The following ADI1 variants were observed in gnomAD, a reference collection of about 807,000 sequenced individuals.
ADI1 encodes acireductone dioxygenase 1.
Under a neutral mutation model 18.7 loss-of-function variants are expected in ADI1, and 21 were observed. The ratio of observed to expected loss-of-function variants is 1.13; its 90% CI spans 0.80 to 1.62. The LOEUF is 1.62. Ranked by LOEUF, ADI1 falls within the 40% of genes most tolerant of loss-of-function variation. The pLI is 0.00. For missense variants in ADI1, 245 were observed against 254.9 expected, an observed-to-expected ratio of 0.96 and a Z score of 0.26; for synonymous variants, 90 against 100.1, an observed-to-expected ratio of 0.90 and a Z score of 0.60.
chr2:3,506,801 T>C (rs985298380), intron 2 of ADI1, among the ~76,000 whole-genome samples: 2 of 152,228 alleles, frequency 1.3e-5, no homozygotes, highest in African/African-American at 4.8e-5. Context: ...CTTACTATCA[T>C]GCTATAGTAG....
intron 3 of ADI1, 122 bp downstream of exon 3, chr2:3,500,692 A>C (rs775391372): frequency 7.8e-7 from 1 of 1,277,940 alleles, no homozygotes; most frequent in Non-Finnish European, 1.1e-6. Flanking sequence ...GCACAGGTCG[A>C]GGAGTCCCGA....
intron 2 of ADI1, among the ~76,000 whole-genome samples, chr2:3,503,427 G>A (rs1476036813): frequency 6.8e-6 from 1 of 148,124 alleles, no homozygotes; most frequent in South Asian, 2.1e-4. Flanking sequence ...ACACACACGA[G>A]TGCATTCACA....
rs1667075393 is a variant in ADI1 at position 3,503,308 on chromosome 2, GAC to G, written c.241-2317_241-2316del. Among the ~76,000 whole-genome samples, 2 of 43,302 alleles carry G rather than the reference GAC, an allele frequency of 4.6e-5. 1 individual carries two copies. The highest frequency in any genetic ancestry group is 7.5e-5 in the Non-Finnish European group (2 of 26,546). The allele number at this position is 43,302 out of a possible 152,430, so 28.4% of individuals were successfully genotyped here. A position where few individuals can be genotyped will look rare whatever the true frequency, so the allele number is the denominator to read the frequency against. ...TCACACACATGCACACATACACACT[GAC>G]ACGCACATTCACACACATGCACACA... is the stretch of plus-strand genomic sequence containing the variant. On this transcript the variant is annotated intron_variant, in intron 2 of 3. Transcript: ENST00000327435.
chr2:3,502,823 G>C (rs573286493), intron 2 of ADI1, among the ~76,000 whole-genome samples: 1 of 152,140 alleles, frequency 6.6e-6, no homozygotes, highest in Admixed American at 6.6e-5. Context: ...CGCAACCCAA[G>C]CTTAGGTTGC....
chr2:3,519,099 T>C (rs1224166659), intron 1 of ADI1, among the ~76,000 whole-genome samples: 1 of 145,928 alleles, frequency 6.9e-6, no homozygotes, highest in East Asian at 2.0e-4. Context: ...CGCTGGGGGC[T>C]GACCGCCGAC....
intron 2 of ADI1, among the ~76,000 whole-genome samples, chr2:3,507,271 T>A (rs1045613384): frequency 6.6e-6 from 1 of 152,074 alleles, no homozygotes; most frequent in African/African-American, 2.4e-5. Flanking sequence ...ATATTTGAAA[T>A]ACTGTCCACA....
intron 1 of ADI1, among the ~76,000 whole-genome samples, chr2:3,518,978 C>A (rs1440092130): frequency 6.6e-6 from 1 of 151,718 alleles, no homozygotes; most frequent in Non-Finnish European, 1.5e-5. Flanking sequence ...AGAAACGGAC[C>A]GCCGACCCCC....
In ADI1 at chr2:3,504,323, A is replaced by G. The variant is rs566017468; in HGVS notation, c.241-3330T>C. Among the ~76,000 whole-genome samples, 3 of 152,374 alleles carry G rather than the reference A, an allele frequency of 2.0e-5. No individual in the cohort carries two copies. The South Asian group carries it at 6.2e-4, about 32-fold the overall frequency. ...AAACAAAGAATAAGCCGGTATCAGC[A>G]AGAGGGTTTTATACCAGGAGAGAAG... On this transcript the variant is annotated intron_variant, in intron 2 of 3. Coordinates refer to ENST00000327435, the MANE Select transcript of ADI1 (RefSeq NM_018269.4).
chr2:3,497,920 CAGT>C lies in ADI1; in HGVS notation c.*1040_*1042del, dbSNP rs1666902958. 1 of 152,058 alleles carries C rather than the reference CAGT, an allele frequency of 6.6e-6. No individual in the cohort carries two copies. Among genetic ancestry groups the C allele is most frequent in the Non-Finnish European group, 1.5e-5 (1 of 68,002 alleles). The allele number at this position is 152,058 out of a possible 1,614,324, so 9.4% of individuals were successfully genotyped here. A position where few individuals can be genotyped will look rare whatever the true frequency, so the allele number is the denominator to read the frequency against. ...TAGAAATGAATCCATTAAAAAAAATCAGTAGATCAGCACTTATTTTAATTACTG... is the reference window on the plus strand; with the variant it reads ...TAGAAATGAATCCATTAAAAAAAATCAGATCAGCACTTATTTTAATTACTG... On this transcript the variant is annotated 3_prime_UTR_variant, in exon 4 of 4. Coordinates refer to ENST00000327435, the MANE Select transcript of ADI1 (RefSeq NM_018269.4).
At chr2:3,501,036 T>A (rs1199109601) in intron 2 of ADI1, 43 bp from the exon 3 acceptor site, 1 of 1,512,460 alleles carries the variant, frequency 6.6e-7, no homozygotes, top group Non-Finnish European at 8.9e-7. Flanking sequence ...CAGAGACCTG[T>A]CACGCAAGCT....
At chr2:3,512,889 CCAT>C (rs1450155810) in intron 2 of ADI1, among the ~76,000 whole-genome samples, 1 of 152,218 alleles carries the variant, frequency 6.6e-6, no homozygotes, top group African/African-American at 2.4e-5. Flanking sequence ...GCACTCAAAG[CCAT>C]CCCATGAGAG....
At chr2:3,503,228 A>C (rs1667067843) in intron 2 of ADI1, among the ~76,000 whole-genome samples, 3 of 91,504 alleles carry the variant, frequency 3.3e-5, no homozygotes, top group Admixed American at 2.1e-4. Flanking sequence ...CACACGTAAC[A>C]CTCTCTCATG....
chr2:3,513,942 A>T lies in ADI1; in HGVS notation c.155T>A (p.Leu52Ter). 1 of 1,611,826 alleles carries T rather than the reference A, an allele frequency of 6.2e-7. No homozygotes were observed. Among genetic ancestry groups the T allele is most frequent in the Non-Finnish European group, 8.5e-7 (1 of 1,179,570 alleles). ...DADKYENDPE[L>*]EKIRRERNYS... ...GTTCCTCTCTCTTCGGATCTTTTCT[A>T]ATTCTGGATCATTCTCATATTTGTC... Residue 52 changes from leucine to a stop codon, truncating the protein, a stop_gained, in exon 2 of 4, where the codon TTA (leucine) becomes TAA (stop). Coordinates refer to ENST00000327435, the MANE Select transcript of ADI1 (RefSeq NM_018269.4). LOFTEE classifies it high-confidence loss of function.
chr2:3,502,001 C>A (rs937301848), intron 2 of ADI1, among the ~76,000 whole-genome samples: 15 of 105,044 alleles, frequency 1.4e-4, no homozygotes, highest in Middle Eastern at 4.6e-3. Flanking sequence ...ACCTCCCGCT[C>A]CACACACACA....
intron 2 of ADI1, among the ~76,000 whole-genome samples, chr2:3,509,233 G>C (rs1037816493): frequency 6.6e-6 from 1 of 152,222 alleles, no homozygotes; most frequent in African/African-American, 2.4e-5. Flanking sequence ...CACTATTACA[G>C]TTGGCAATTT....
rs1437400427 is a variant in ADI1 at position 3,498,419 on chromosome 2, T to C, written c.*544A>G. ...AACAAACCAGGCAAAATATCACATA[T>C]ACCTGAATATAAGGTAACTCCAAGC... On this transcript the variant is annotated 3_prime_UTR_variant, in exon 4 of 4. Coordinates refer to ENST00000327435, the MANE Select transcript of ADI1 (RefSeq NM_018269.4). The C allele has an allele frequency of 6.6e-6, 1 of 152,266 alleles. No homozygotes were observed. The highest frequency in any genetic ancestry group is 6.5e-5 in the Admixed American group (1 of 15,272). 9.4% of individuals were successfully genotyped at this position (152,266 alleles called of 1,614,324 possible).
chr2:3,518,743 GAA>G (rs1667463552), intron 1 of ADI1, among the ~76,000 whole-genome samples: 2 of 152,176 alleles, frequency 1.3e-5, no homozygotes, highest in African/African-American at 4.8e-5. Flanking sequence ...TCCGATAGAA[GAA>G]ACCCCTGGGC....
chr2:3,500,562 C>T lies in ADI1; in HGVS notation c.420+252G>A, dbSNP rs899446078. ...GTACCTGCCGCCGCCTGTACCTGCC[C>T]CGCCTGGGTATGAAATGCACACCTG... On this transcript the variant is annotated intron_variant, in intron 3 of 3. Transcript: ENST00000327435. The T allele has an allele frequency of 1.9e-5, 11 of 578,100 alleles. No individual in the cohort carries two copies. The African/African-American group carries it at 2.2e-4, about 11-fold the overall frequency. The allele number at this position is 578,100 out of a possible 1,614,324, so 35.8% of individuals were successfully genotyped here. A position where few individuals can be genotyped will look rare whatever the true frequency, so the allele number is the denominator to read the frequency against.
intron 2 of ADI1, among the ~76,000 whole-genome samples, chr2:3,512,835 T>C (rs912631531): frequency 9.2e-5 from 14 of 152,098 alleles, no homozygotes; most frequent in African/African-American, 2.7e-4. Flanking sequence ...CCAAGAATGA[T>C]AGATTCACTG....
Sources: gnomAD v4.1 joint callset for allele counts (sites outside exome capture counted in the v4.1 genomes callset) on GRCh38, gnomAD v4.1.1 for gene constraint, MANE v1.5 for transcripts, NCBI Gene and HGNC (gene_info 2026-07-23, HGNC 2026-07-21) for gene names.